PTPRA: variants seen among roughly 807,000 people sequenced by gnomAD.
The protein encoded by PTPRA is receptor-type tyrosine-protein phosphatase alpha.
A neutral mutation model predicts 104.8 loss-of-function variants in PTPRA; 25 were observed. That is an observed-to-expected ratio of 0.24 (90% confidence interval 0.17 to 0.33). The LOEUF (loss-of-function observed/expected upper bound fraction) is 0.33, where lower values mean the gene tolerates loss of function less well. Ranked by LOEUF, PTPRA falls within the 10% of genes least tolerant of loss-of-function variation. The probability of loss-of-function intolerance (pLI) is 1.00; values close to 1 mark genes in which losing one functional copy is unlikely to be tolerated. For missense variants in PTPRA, 765 were observed against 1,015.3 expected, an observed-to-expected ratio of 0.75 and a Z score of 3.35; for synonymous variants, 323 against 368.9, an observed-to-expected ratio of 0.88 and a Z score of 1.43.
At chr20:3,028,075 A>G (rs1028590326) in intron 20 of PTPRA, among the ~76,000 whole-genome samples, 2 of 152,184 alleles carry the variant, frequency 1.3e-5, no homozygotes, top group African/African-American at 2.4e-5. Flanking sequence ...TCCCAAGACT[A>G]GAAAAGCAAT....
chr20:2,955,901 C>G (rs1015743103), intron 3 of PTPRA, among the ~76,000 whole-genome samples: 3 of 152,242 alleles, frequency 2.0e-5, no homozygotes, highest in East Asian at 1.9e-4. Flanking sequence ...CCCTACCCCC[C>G]ACAGATACAA....
At chr20:2,864,983 T>A in the PTPRA span, 2 of 1,614,130 alleles carry the variant, frequency 1.2e-6, no homozygotes, top group South Asian at 2.2e-5. The surrounding 1 kb of genome is among the most constrained non-coding windows in gnomAD (Gnocchi z 5.2). Flanking sequence ...TATAGCGTAT[T>A]GAGGGGCGAG....
In PTPRA at chr20:2,975,224, A is replaced by G. The variant is rs1319088992; in HGVS notation, c.425A>G (p.Asp142Gly). The part of the protein sequence containing the change: ...PETFPPSGNS[D>G]SKDRRDETPI... ...TTTACTTATTACACAGGTAATTCTG[A>G]CTCGAAGGACAGAAGAGGTGAGCTG... Residue 142 changes from aspartate (D) to glycine (G), a missense_variant, in exon 6 of 24, where the codon GAC (aspartate) becomes GGC (glycine). This residue lies in a region of PTPRA where 256 missense variants were observed against 248.9 expected (regional missense o/e 1.03). Transcript: ENST00000399903. 6.3e-7 allele frequency: 1 copy of G among 1,596,028 alleles called. No individual in the cohort carries two copies. The highest frequency in any genetic ancestry group is 1.3e-5 in the African/African-American group (1 of 74,660).
chr20:2,979,629 C>T (rs1185957760), intron 6 of PTPRA, among the ~76,000 whole-genome samples: 1 of 152,154 alleles, frequency 6.6e-6, no homozygotes, highest in African/African-American at 2.4e-5. Context: ...GGGACTCAAG[C>T]GATCCTCCAG....
chr20:3,014,915 A>G (rs1255110680), intron 11 of PTPRA, among the ~76,000 whole-genome samples: 1 of 152,222 alleles, frequency 6.6e-6, no homozygotes. Context: ...AACTGGAGCA[A>G]TAAAGACTGA....
At chr20:2,981,851 G>A (rs1442854816) in intron 6 of PTPRA, among the ~76,000 whole-genome samples, 1 of 152,180 alleles carries the variant, frequency 6.6e-6, no homozygotes, top group African/African-American at 2.4e-5. Context: ...TTCAGCTGGA[G>A]GCTCTTTGGC....
intron 2 of PTPRA, among the ~76,000 whole-genome samples, chr20:2,926,120 A>C (rs1310840054): frequency 6.6e-6 from 1 of 152,232 alleles, no homozygotes; most frequent in Admixed American, 6.5e-5. Context: ...AAAAGACAAC[A>C]TAATTCTTTG....
chr20:2,930,813 C>G (rs994577397), intron 2 of PTPRA, among the ~76,000 whole-genome samples: 1 of 152,160 alleles, frequency 6.6e-6, no homozygotes, highest in Non-Finnish European at 1.5e-5. Context: ...AAGGTCACAT[C>G]CTATGGTACT....
intron 2 of PTPRA, among the ~76,000 whole-genome samples, chr20:2,926,769 C>CTTTTTTTTTTTTTTTTTTTTTTTTTTTTT (rs777386962): frequency 1.8e-4 from 15 of 85,020 alleles, no homozygotes; most frequent in East Asian, 4.4e-4. Context: ...TTTCCTTTTC[C>CTTTTTTTTTTTTTTTTTTTTTTTTTTTTT]TTTTTTTTTT....
intron 1 of PTPRA, among the ~76,000 whole-genome samples, chr20:2,894,988 CAAA>C (rs58817434): frequency 1.8e-4 from 19 of 104,430 alleles, no homozygotes; most frequent in Non-Finnish European, 1.6e-4. Context: ...CTCCTTCACC[CAAA>C]AAAAAAAAAA....
intron 17 of PTPRA, 54 bp downstream of exon 17, chr20:3,024,675 G>A (rs1009344639): frequency 1.3e-6 from 2 of 1,599,734 alleles, no homozygotes; most frequent in East Asian, 2.2e-5. Flanking sequence ...GTAATCTGGG[G>A]AACATGGGAT....
intron 9 of PTPRA, among the ~76,000 whole-genome samples, chr20:3,002,607 G>A (rs1240751224): frequency 2.6e-5 from 4 of 152,090 alleles, no homozygotes; most frequent in African/African-American, 4.8e-5. Context: ...GATTACAGGC[G>A]TGAGCCACCG....
chr20:2,903,276 T>C (rs999382768), intron 1 of PTPRA, among the ~76,000 whole-genome samples: 2 of 152,218 alleles, frequency 1.3e-5, no homozygotes, highest in African/African-American at 4.8e-5. Flanking sequence ...ATACTCAACC[T>C]GTAAATAATG....
At chr20:3,019,092 T>C (rs2064669680) in intron 13 of PTPRA, among the ~76,000 whole-genome samples, 2 of 102,488 alleles carry the variant, frequency 2.0e-5, no homozygotes, top group Admixed American at 9.5e-5. Context: ...CACTTCCCAG[T>C]AGGGGCGGCC....
chr20:2,875,871 G>A (rs2089684831), intron 1 of PTPRA, among the ~76,000 whole-genome samples: 1 of 152,134 alleles, frequency 6.6e-6, no homozygotes, highest in Non-Finnish European at 1.5e-5. Context: ...GCTTTCCTGG[G>A]ACGGGGGGGC....
At chr20:3,026,034 C>T (rs2065126775) in intron 17 of PTPRA, among the ~76,000 whole-genome samples, 1 of 151,678 alleles carries the variant, frequency 6.6e-6, no homozygotes. Flanking sequence ...CAACCTCTGC[C>T]TCCCGGGTTC....
intron 1 of PTPRA, among the ~76,000 whole-genome samples, chr20:2,905,298 T>C (rs2059384411): frequency 6.6e-6 from 1 of 152,172 alleles, no homozygotes; most frequent in African/African-American, 2.4e-5. Flanking sequence ...AGAGTATATA[T>C]AATCAAATTA....
At chr20:3,005,279 T>G (rs2063811260) in intron 10 of PTPRA, 133 bp downstream of exon 10, 1 of 846,946 alleles carries the variant, frequency 1.2e-6, no homozygotes, top group African/African-American at 1.7e-5. Flanking sequence ...CAGTACTCAG[T>G]GGCTCATACC....
chr20:2,886,894 T>TA (rs200513865), intron 1 of PTPRA, among the ~76,000 whole-genome samples: 1 of 120,096 alleles, frequency 8.3e-6, no homozygotes, highest in East Asian at 3.4e-4. Flanking sequence ...GAAAAAGAAA[T>TA]AAAAAAATGT....
Sources: gnomAD v4.1 joint callset for allele counts (sites outside exome capture counted in the v4.1 genomes callset) on GRCh38, gnomAD v4.1.1 for gene constraint, gnomAD v4.1.1 regional missense constraint, Gnocchi (gnomAD v3.1) non-coding constraint, MANE v1.5 for transcripts, NCBI Gene and HGNC (gene_info 2026-07-23, HGNC 2026-07-21) for gene names.